PCDHA7: variants seen among roughly 807,000 people sequenced by gnomAD.
PCDHA7 encodes protocadherin alpha 7, also known as protocadherin alpha-7.
Under a neutral mutation model 57.2 loss-of-function variants are expected in PCDHA7, and 37 were observed. That is an observed-to-expected ratio of 0.65 (90% CI 0.50 to 0.85). The LOEUF (loss-of-function observed/expected upper bound fraction) is 0.85, where lower values mean the gene tolerates loss of function less well. Among genes scored for constraint, PCDHA7 ranks in the 40% least tolerant of loss-of-function variants. The pLI, the probability that PCDHA7 is intolerant of heterozygous loss-of-function variation, is 0.00. For synonymous variants in PCDHA7, 553 were observed against 558.8 expected (o/e 0.99, Z 0.15); for missense variants, 1,188 against 1,241.8 (o/e 0.96, Z 0.65).
chr5:140,890,565 T>C (rs1381687393), intron 1 of PCDHA7, among the ~76,000 whole-genome samples: 1 of 152,194 alleles, frequency 6.6e-6, no homozygotes, highest in Non-Finnish European at 1.5e-5. Context: ...TATTGTTCCA[T>C]TTCCTTCTGT....
intron 1 of PCDHA7, among the ~76,000 whole-genome samples, chr5:140,936,014 T>C (rs1405282987): frequency 4.0e-5 from 6 of 151,334 alleles, no homozygotes; most frequent in Non-Finnish European, 8.8e-5. Flanking sequence ...CACCTCAGCC[T>C]CCCGAGTAGC....
chr5:141,004,500 T>C (rs1481568200), intron 3 of PCDHA7, among the ~76,000 whole-genome samples: 1 of 152,242 alleles, frequency 6.6e-6, no homozygotes, highest in Non-Finnish European at 1.5e-5. Context: ...GCAGTCCTGC[T>C]GTGAGGGGCT....
chr5:140,984,599 C>T (rs1415361733), intron 3 of PCDHA7, among the ~76,000 whole-genome samples: 1 of 152,162 alleles, frequency 6.6e-6, no homozygotes, highest in Non-Finnish European at 1.5e-5. Context: ...TCAATACATA[C>T]CTCTGCATCA....
At chr5:141,008,428 T>C (rs2098376052) in intron 3 of PCDHA7, among the ~76,000 whole-genome samples, 1 of 152,182 alleles carries the variant, frequency 6.6e-6, no homozygotes, top group Admixed American at 6.5e-5. Flanking sequence ...TGGGATCACT[T>C]TGCCCAGACA....
intron 1 of PCDHA7, among the ~76,000 whole-genome samples, chr5:140,946,909 C>G (rs1290458457): frequency 6.6e-6 from 1 of 151,234 alleles, no homozygotes; most frequent in Non-Finnish European, 1.5e-5. Flanking sequence ...AGAATAAGTT[C>G]TGGTGTTTTA....
At chr5:140,939,152 G>A (rs1486129737) in intron 1 of PCDHA7, among the ~76,000 whole-genome samples, 20 of 152,068 alleles carry the variant, frequency 1.3e-4, no homozygotes, top group Admixed American at 1.2e-3. Context: ...CAAGGTCCTG[G>A]CAGATTTGTG....
intron 1 of PCDHA7, chr5:140,853,345 C>G: frequency 4.1e-6 from 4 of 982,282 alleles, no homozygotes; most frequent in Middle Eastern, 5.3e-4. Flanking sequence ...CATTAGCAAA[C>G]ATGAACTCAC....
rs1236098574 is a variant in PCDHA7 at position 140,852,665 on chromosome 5, C to T, written c.2355+15927C>T. The T allele has an allele frequency of 2.1e-6, 2 of 964,268 alleles. 1 individual carries two copies. The highest frequency in any genetic ancestry group is 3.6e-5 in the African/African-American group (2 of 55,886). 59.7% of individuals were successfully genotyped at this position (964,268 alleles called of 1,614,324 possible). A position where few individuals can be genotyped will look rare whatever the true frequency, so the allele number is the denominator to read the frequency against. Reference sequence around the variant, plus strand: ...AAACCTATCTATATCTGTCTATCAGCACAACTCACCTTGAATATAGTCTTA... The same window carrying T: ...AAACCTATCTATATCTGTCTATCAGTACAACTCACCTTGAATATAGTCTTA... On this transcript the variant is annotated intron_variant, in intron 1 of 3. Transcript: ENST00000525929.
intron 1 of PCDHA7, chr5:140,967,283 C>T: frequency 6.2e-7 from 1 of 1,613,158 alleles, no homozygotes; most frequent in Non-Finnish European, 8.5e-7. Context: ...AGAGAGTGCG[C>T]AGGACCCCGA....
chr5:140,843,751 T>A (rs2150366147), intron 1 of PCDHA7: 1 of 1,519,852 alleles, frequency 6.6e-7, no homozygotes, highest in Non-Finnish European at 9.0e-7. Context: ...ATAAATTCTA[T>A]TTGTGGAAAT....
chr5:140,936,272 C>T lies in PCDHA7; in HGVS notation c.2356-42677C>T, dbSNP rs1303356923. 2.0e-5 allele frequency among the ~76,000 whole-genome samples: 3 copies of T among 152,254 alleles called. No individual in the cohort carries two copies. In the East Asian group the frequency reaches 5.8e-4, roughly 29 times the overall value. On this transcript the variant is annotated intron_variant, in intron 1 of 3. Transcript: ENST00000525929. Reference sequence around the variant, plus strand: ...TGCTTCAAGTCATGAAGATATATTCCTGTGTTTTCTTCTATAACATTGCTA... The same window carrying T: ...TGCTTCAAGTCATGAAGATATATTCTTGTGTTTTCTTCTATAACATTGCTA...
intron 1 of PCDHA7, chr5:140,850,503 G>A (rs2041643123): frequency 6.3e-7 from 1 of 1,598,176 alleles, no homozygotes; most frequent in South Asian, 1.1e-5. Flanking sequence ...GGTGTCGCTG[G>A]TGGAGAGCGG....
chr5:140,858,271 C>G (rs782492418), intron 1 of PCDHA7: 1 of 1,597,010 alleles, frequency 6.3e-7, no homozygotes, highest in Admixed American at 1.7e-5. Flanking sequence ...TGTGCTCTAG[C>G]GCGGTGGGGA....
chr5:141,000,395 CTATA>C (rs1190667031), intron 3 of PCDHA7, among the ~76,000 whole-genome samples: 54 of 53,974 alleles, frequency 1.0e-3, no homozygotes, highest in East Asian at 2.4e-3. Context: ...CTCTCTCTCT[CTATA>C]TATATATATA....
At chr5:140,892,445 T>C (rs1177566356) in intron 1 of PCDHA7, among the ~76,000 whole-genome samples, 1 of 152,214 alleles carries the variant, frequency 6.6e-6, no homozygotes, top group Non-Finnish European at 1.5e-5. Context: ...AAAATTTACA[T>C]GTATTCTTTA....
intron 1 of PCDHA7, chr5:140,867,234 G>T (rs782656807): frequency 2.0e-5 from 3 of 152,032 alleles, no homozygotes; most frequent in African/African-American, 4.8e-5. Context: ...CCATAATAAG[G>T]TGATTGAGGA....
chr5:140,904,826 T>C (rs1251990612), intron 1 of PCDHA7, among the ~76,000 whole-genome samples: 1 of 152,206 alleles, frequency 6.6e-6, no homozygotes. Flanking sequence ...GAGCATTTTT[T>C]TATATGTTTC....
intron 1 of PCDHA7, among the ~76,000 whole-genome samples, chr5:140,846,410 T>C (rs1476345835): frequency 7.2e-6 from 1 of 138,236 alleles, no homozygotes; most frequent in Non-Finnish European, 1.6e-5. Flanking sequence ...AGTCTCGCTC[T>C]ATCTCCCAGG....
intron 1 of PCDHA7, chr5:140,843,668 G>C: frequency 6.3e-7 from 1 of 1,593,338 alleles, no homozygotes; most frequent in South Asian, 1.1e-5. Flanking sequence ...TCTGGGATCA[G>C]TTGATGTAGG....
Sources: allele counts gnomAD v4.1 joint callset (sites outside exome capture counted in the v4.1 genomes callset), GRCh38; gene constraint gnomAD v4.1.1; transcripts MANE v1.5; gene names NCBI Gene and HGNC (gene_info 2026-07-23, HGNC 2026-07-21).